MID1: variants seen among roughly 807,000 people sequenced by gnomAD.
MID1 encodes the protein midline 1.
A neutral mutation model predicts 40.4 loss-of-function variants in MID1; 7 were observed. The ratio of observed to expected loss-of-function variants is 0.17; its 90% CI spans 0.10 to 0.33. MID1 has a LOEUF of 0.33. Ranked by LOEUF, MID1 falls within the 10% of genes least tolerant of loss-of-function variation. The probability of loss-of-function intolerance (pLI) is 1.00; values close to 1 mark genes in which losing one functional copy is unlikely to be tolerated. For synonymous variants in MID1, 229 were observed against 221.2 expected (o/e 1.04, Z -0.31); for missense variants, 367 against 558.5 (o/e 0.66, Z 3.46).
At chrX:10,512,460 T>G (rs766346310) in intron 3 of MID1, among the ~76,000 whole-genome samples, 1 of 112,954 alleles carries the variant, frequency 8.9e-6, no homozygotes, top group African/African-American at 3.2e-5. Context: ...CTGTGGTTAT[T>G]TGAATGATGT....
intron 1 of MID1, among the ~76,000 whole-genome samples, chrX:10,653,895 C>T: frequency 8.9e-6 from 1 of 112,822 alleles, no homozygotes; most frequent in South Asian, 3.6e-4. Flanking sequence ...AAGCATTCTA[C>T]TTGAATAACA....
intron 2 of MID1, among the ~76,000 whole-genome samples, chrX:10,557,980 T>C (rs1934186823): frequency 9.0e-6 from 1 of 110,719 alleles, no homozygotes; most frequent in African/African-American, 3.3e-5. Flanking sequence ...CCCCTTTTAT[T>C]TCTTCCATGA....
At chrX:10,604,777 T>C (rs1334806621) in intron 1 of MID1, among the ~76,000 whole-genome samples, 1 of 112,413 alleles carries the variant, frequency 8.9e-6, no homozygotes, top group Non-Finnish European at 1.9e-5. Context: ...TAACCAAGGT[T>C]ACATTTTAAA....
intron 1 of MID1, among the ~76,000 whole-genome samples, chrX:10,797,945 G>A (rs1478114881): frequency 1.8e-5 from 2 of 112,065 alleles, no homozygotes; most frequent in Non-Finnish European, 3.8e-5. Context: ...TGAACAGAGA[G>A]CAGGCATTGA....
chrX:10,584,352 G>C (rs1382037523), intron 1 of MID1, among the ~76,000 whole-genome samples: 1 of 112,190 alleles, frequency 8.9e-6, no homozygotes, highest in Non-Finnish European at 1.9e-5. Flanking sequence ...TTGATTCTAC[G>C]ATGTTAACTC....
chrX:10,581,024 G>A (rs541223249), intron 1 of MID1, among the ~76,000 whole-genome samples: 2 of 109,545 alleles, frequency 1.8e-5, no homozygotes, highest in South Asian at 4.0e-4. Context: ...CGAGGCAGGC[G>A]GATCACCTGA....
At chrX:10,580,837 G>T (rs5978410) in intron 1 of MID1, among the ~76,000 whole-genome samples, 1 of 107,707 alleles carries the variant, frequency 9.3e-6, no homozygotes, top group Non-Finnish European at 1.9e-5. Context: ...TTTCCCTCTG[G>T]CATGCTTTCA....
chrX:10,575,631 A>C (rs1403590058), intron 1 of MID1, among the ~76,000 whole-genome samples: 3 of 111,152 alleles, frequency 2.7e-5, no homozygotes, highest in African/African-American at 6.5e-5. Context: ...ACTGATTAGC[A>C]CTCTGGCCAA....
chrX:10,743,712 T>C (rs948706597), intron 1 of MID1, among the ~76,000 whole-genome samples: 1 of 112,353 alleles, frequency 8.9e-6, no homozygotes, highest in East Asian at 2.8e-4. Flanking sequence ...TAGGCTTAAA[T>C]GCATGTCTAG....
At chrX:10,754,312 T>G (rs1468233833) in intron 1 of MID1, among the ~76,000 whole-genome samples, 2 of 106,331 alleles carry the variant, frequency 1.9e-5, no homozygotes, top group East Asian at 2.8e-4. Flanking sequence ...TTTTTTTGTT[T>G]TTTGTTTTTT....
At chrX:10,526,324 G>GC (rs1932830122) in intron 2 of MID1, among the ~76,000 whole-genome samples, 1 of 104,192 alleles carries the variant, frequency 9.6e-6, no homozygotes, top group African/African-American at 3.5e-5. Flanking sequence ...AAAAGCCAAA[G>GC]TTTTTTTTTT....
chrX:10,726,490 G>A (rs1317886114), intron 1 of MID1, among the ~76,000 whole-genome samples: 2 of 104,694 alleles, frequency 1.9e-5, no homozygotes, highest in South Asian at 3.9e-4. Flanking sequence ...ATTTAGTTGA[G>A]TGTTTCTTTC....
chrX:10,601,486 T>C (rs751802653), intron 1 of MID1, among the ~76,000 whole-genome samples: 6 of 112,745 alleles, frequency 5.3e-5, no homozygotes, highest in Middle Eastern at 4.2e-3. Context: ...AATTGCTTTA[T>C]ATAGTCTATG....
At chrX:10,585,548 A>C (rs1935121266) in intron 1 of MID1, among the ~76,000 whole-genome samples, 1 of 111,914 alleles carries the variant, frequency 8.9e-6, no homozygotes. Context: ...AGCGTTTATA[A>C]ACTTTTCCTC....
chrX:10,463,254 G>A (rs1569271430), intron 7 of MID1, among the ~76,000 whole-genome samples: 1 of 112,048 alleles, frequency 8.9e-6, no homozygotes, highest in African/African-American at 3.2e-5. Flanking sequence ...GGGCCTTTTC[G>A]TAAGATTGAA....
intron 2 of MID1, among the ~76,000 whole-genome samples, chrX:10,551,651 T>A (rs1034744589): frequency 8.9e-6 from 1 of 112,358 alleles, no homozygotes; most frequent in Non-Finnish European, 1.9e-5. Context: ...AAATACCTTG[T>A]AGCTTTTCAG....
intron 1 of MID1, among the ~76,000 whole-genome samples, chrX:10,709,470 G>A (rs774448017): frequency 6.2e-5 from 7 of 112,086 alleles, no homozygotes; most frequent in East Asian, 2.8e-4. Context: ...GGCTTCAGGC[G>A]GGTTAGGCGA....
intron 1 of MID1, among the ~76,000 whole-genome samples, chrX:10,592,189 T>TA (rs34288785): frequency 4.1e-5 from 4 of 97,976 alleles, no homozygotes; most frequent in Non-Finnish European, 8.0e-5. Flanking sequence ...GTGTGTCCAT[T>TA]AAAAAAAGTT....
intron 1 of MID1, among the ~76,000 whole-genome samples, chrX:10,830,268 T>C (rs188885754): frequency 8.9e-6 from 1 of 112,369 alleles, no homozygotes; most frequent in Non-Finnish European, 1.9e-5. Flanking sequence ...AAAGAGTGAG[T>C]GATCAAGTAA....
Sources: allele counts gnomAD v4.1 joint callset (sites outside exome capture counted in the v4.1 genomes callset), GRCh38; gene constraint gnomAD v4.1.1; transcripts MANE v1.5; gene names NCBI Gene and HGNC (gene_info 2026-07-23, HGNC 2026-07-21).